PARVA: variants seen among roughly 807,000 people sequenced by gnomAD.
PARVA encodes alpha-parvin.
A neutral mutation model predicts 52.6 loss-of-function variants in PARVA; 25 were observed. That is an observed-to-expected ratio of 0.48 (90% confidence interval 0.35 to 0.66). PARVA has a LOEUF of 0.66. Among genes scored for constraint, PARVA ranks in the 30% least tolerant of loss-of-function variants. The pLI, the probability that PARVA is intolerant of heterozygous loss-of-function variation, is 0.01. For synonymous variants in PARVA, 185 were observed against 179.1 expected (o/e 1.03, Z -0.26); for missense variants, 373 against 450.9 (o/e 0.83, Z 1.56).
rs555323030 is a variant in PARVA at position 12,500,489 on chromosome 11, A to G, written c.542-3825A>G. On this transcript the variant is annotated intron_variant, in intron 5 of 12. Coordinates refer to ENST00000334956, the MANE Select transcript of PARVA (RefSeq NM_018222.5). ...ATGGCATATTTTTGTTCTAAAGAAT[A>G]TTTGAAAATAGGCAAAAAGGCTGGG... 3.2e-4 allele frequency among the ~76,000 whole-genome samples: 48 copies of G among 152,300 alleles called. 1 individual carries two copies. Among genetic ancestry groups the G allele is most frequent in the Admixed American group, 2.9e-3 (44 of 15,286 alleles).
chr11:12,506,152 C>T (rs767145250), intron 6 of PARVA, among the ~76,000 whole-genome samples: 20 of 152,108 alleles, frequency 1.3e-4, no homozygotes, highest in Non-Finnish European at 2.5e-4. Context: ...TTGCTGTGAA[C>T]CTCAGACTGC....
chr11:12,406,060 G>T (rs777761121), intron 1 of PARVA, among the ~76,000 whole-genome samples: 3 of 152,192 alleles, frequency 2.0e-5, no homozygotes, highest in Non-Finnish European at 4.4e-5. Flanking sequence ...TTACAAAAAT[G>T]AAATCATACT....
chr11:12,501,119 A>AAG (rs1287239415), intron 5 of PARVA, among the ~76,000 whole-genome samples: 1 of 151,464 alleles, frequency 6.6e-6, no homozygotes, highest in African/African-American at 2.4e-5. Flanking sequence ...AAAAAAAAAA[A>AAG]CAATCTTTCC....
At chr11:12,500,645 G>GC (rs914897603) in intron 5 of PARVA, among the ~76,000 whole-genome samples, 188 of 150,728 alleles carry the variant, frequency 1.2e-3, no homozygotes, top group African/African-American at 4.5e-3. Flanking sequence ...ACAAAAATTA[G>GC]CCCAGCGTGG....
At chr11:12,396,231 A>G (rs1939743336) in intron 1 of PARVA, among the ~76,000 whole-genome samples, 1 of 152,232 alleles carries the variant, frequency 6.6e-6, no homozygotes, top group African/African-American at 2.4e-5. Flanking sequence ...CTCTTTGCCC[A>G]CTATAACACA....
chr11:12,484,808 C>G (rs1013739019), intron 4 of PARVA, among the ~76,000 whole-genome samples: 106 of 102,638 alleles, frequency 1.0e-3, no homozygotes, highest in Non-Finnish European at 7.7e-4. Flanking sequence ...TTTTTGTTGA[C>G]TTTTTTTTTT....
intron 3 of PARVA, among the ~76,000 whole-genome samples, chr11:12,474,235 C>T (rs1339059897): frequency 1.3e-5 from 2 of 152,088 alleles, no homozygotes; most frequent in Non-Finnish European, 2.9e-5. Context: ...GGTAAGCTCA[C>T]GATGGCCAGG....
At chr11:12,511,870 G>T (rs938398567) in intron 8 of PARVA, among the ~76,000 whole-genome samples, 2 of 152,116 alleles carry the variant, frequency 1.3e-5, no homozygotes, top group African/African-American at 4.8e-5. Context: ...TTATGATCTT[G>T]GTTTATCCAG....
chr11:12,467,940 A>C (rs779332175), intron 1 of PARVA, among the ~76,000 whole-genome samples: 1 of 152,076 alleles, frequency 6.6e-6, no homozygotes, highest in Non-Finnish European at 1.5e-5. Flanking sequence ...GTGCACATTT[A>C]TATTCCCTGT....
rs1446687877 is a variant in PARVA at position 12,527,975 on chromosome 11, C to G, written c.*50C>G. 4 of 1,316,428 alleles carry G rather than the reference C, an allele frequency of 3.0e-6. No homozygotes were observed. Among genetic ancestry groups the G allele is most frequent in the Non-Finnish European group, 4.4e-6 (4 of 909,678 alleles). 81.5% of individuals were successfully genotyped at this position (1,316,428 alleles called of 1,614,324 possible). ...CCCAAGAGTTCTTGCTGTTGGCGTA[C>G]TGGACCCTCCTCCGAACTGCCTTAC... On this transcript the variant is annotated 3_prime_UTR_variant, in exon 13 of 13. Transcript: ENST00000334956.
Position 12,377,612 on chromosome 11 carries a change from G to A in PARVA, c.-36G>A, listed in dbSNP as rs1262357649. ...GCTGCGTCCGCCCAGCGCCAGCTCCGCGTCCCGACCGGCCCGCGGCAGCCT... is the reference window on the plus strand; with the variant it reads ...GCTGCGTCCGCCCAGCGCCAGCTCCACGTCCCGACCGGCCCGCGGCAGCCT... On this transcript the variant is annotated 5_prime_UTR_variant, in exon 1 of 13. Transcript: ENST00000334956. The A allele has an allele frequency of 1.9e-6, 3 of 1,548,906 alleles. No homozygotes were observed. Among genetic ancestry groups the A allele is most frequent in the East Asian group, 5.3e-5 (2 of 37,502 alleles).
chr11:12,410,584 TCTC>T (rs995013686), intron 1 of PARVA, among the ~76,000 whole-genome samples: 1 of 152,168 alleles, frequency 6.6e-6, no homozygotes, highest in African/African-American at 2.4e-5. Context: ...TCTCGTTGCT[TCTC>T]CTCCTCCTTT....
chr11:12,424,105 T>C (rs1940192394), intron 1 of PARVA, among the ~76,000 whole-genome samples: 1 of 152,186 alleles, frequency 6.6e-6, no homozygotes, highest in Non-Finnish European at 1.5e-5. Flanking sequence ...TTTCTTTAGG[T>C]ATTCCTTTAT....
intron 4 of PARVA, among the ~76,000 whole-genome samples, chr11:12,488,955 G>A (rs550032834): frequency 1.1e-4 from 16 of 152,062 alleles, no homozygotes; most frequent in Admixed American, 3.9e-4. Flanking sequence ...AGACATGAGC[G>A]TAAGCCACCA....
rs1260852693 is a variant in PARVA, at chr11:12,473,924, G to T, written c.238G>T (p.Val80Leu). Residue 80 changes from valine (V) to leucine (L), a missense_variant, in exon 3 of 13, where the codon GTG (valine) becomes TTG (leucine). Transcript: ENST00000334956. ...TTTTCTTTTTAAAGAGGAGAATGAGGTGCGAACAATGGTGGATCCAAACTC... is the reference window on the plus strand; with the variant it reads ...TTTTCTTTTTAAAGAGGAGAATGAGTTGCGAACAATGGTGGATCCAAACTC... ...PEDTMLEENE[V>L]RTMVDPNSRS... The T allele has an allele frequency of 1.3e-6, 2 of 1,579,516 alleles. No individual in the cohort carries two copies. The highest frequency in any genetic ancestry group is 8.6e-7 in the Non-Finnish European group (1 of 1,162,570).
At chr11:12,385,766 A>G (rs530151057) in intron 1 of PARVA, among the ~76,000 whole-genome samples, 14 of 152,304 alleles carry the variant, frequency 9.2e-5, no homozygotes, top group African/African-American at 3.4e-4. Context: ...TGTGTTACAA[A>G]AGATGCTTCT....
chr11:12,513,979 G>A lies in PARVA; in HGVS notation c.799-18G>A, dbSNP rs892399046. On this transcript the variant is annotated intron_variant, in intron 9 of 12. Transcript: ENST00000334956. ...AGTGCGAGTCCCCAGCTTAGGGCCT[G>A]CTTTGCTTCTCTTTTAGACACTCAT... The A allele has an allele frequency of 6.8e-6, 11 of 1,612,058 alleles. No homozygotes were observed. The highest frequency in any genetic ancestry group is 1.3e-5 in the African/African-American group (1 of 74,916).
chr11:12,516,719 A>T (rs540584938), intron 10 of PARVA, among the ~76,000 whole-genome samples: 2 of 152,210 alleles, frequency 1.3e-5, no homozygotes, highest in Non-Finnish European at 2.9e-5. Context: ...TATTTATTCA[A>T]TGCTACATGC....
At chr11:12,478,512 G>C (rs1195060809) in intron 4 of PARVA, 2 of 197,588 alleles carry the variant, frequency 1.0e-5, no homozygotes, top group Non-Finnish European at 2.1e-5. Context: ...TGGAGTTAAG[G>C]TGTCCCCCAC....
Sources: gnomAD v4.1 joint callset for allele counts (sites outside exome capture counted in the v4.1 genomes callset) on GRCh38, gnomAD v4.1.1 for gene constraint, MANE v1.5 for transcripts, NCBI Gene and HGNC (gene_info 2026-07-23, HGNC 2026-07-21) for gene names.